The following BCL11A variants were observed in gnomAD, a reference collection of about 807,000 sequenced individuals.
The protein encoded by BCL11A is BCL11 transcription factor A.
A neutral mutation model predicts 55.9 loss-of-function variants in BCL11A; 2 were observed. The ratio of observed to expected loss-of-function variants is 0.04; its 90% CI spans 0.01 to 0.11. The LOEUF (loss-of-function observed/expected upper bound fraction) is 0.11, where lower values mean the gene tolerates loss of function less well. BCL11A is among the 10% of genes least tolerant of loss of function. The probability of loss-of-function intolerance (pLI) is 1.00; values close to 1 mark genes in which losing one functional copy is unlikely to be tolerated. For synonymous variants in BCL11A, 465 were observed against 473.4 expected, an observed-to-expected ratio of 0.98 and a Z score of 0.23; for missense variants, 817 against 1,137.1, an observed-to-expected ratio of 0.72 and a Z score of 4.05.
intron 2 of BCL11A, among the ~76,000 whole-genome samples, chr2:60,470,198 C>T (rs1303547394): frequency 6.6e-6 from 1 of 152,070 alleles, no homozygotes; most frequent in East Asian, 1.9e-4. Flanking sequence ...GTGGAAGCAC[C>T]ACCTAGCCTG....
chr2:60,517,196 A>G (rs168565), intron 2 of BCL11A, among the ~76,000 whole-genome samples: 98,967 of 152,008 alleles, frequency 0.65, 32,982 homozygotes, highest in South Asian at 0.78. Context: ...GGGCTGGCCA[A>G]TTCTGGAGGG....
chr2:60,473,648 C>T (rs1463231451), intron 2 of BCL11A, among the ~76,000 whole-genome samples: 1 of 152,176 alleles, frequency 6.6e-6, no homozygotes, highest in Non-Finnish European at 1.5e-5. Flanking sequence ...TCTATTCAGC[C>T]GCATCTAGCT....
chr2:60,533,676 C>T (rs1208192892), intron 2 of BCL11A: 1 of 152,016 alleles, frequency 6.6e-6, no homozygotes, highest in Non-Finnish European at 1.5e-5. Flanking sequence ...TGCAGTTGGC[C>T]GGAGACCAAA....
intron 2 of BCL11A, among the ~76,000 whole-genome samples, chr2:60,487,865 G>A (rs1306762283): frequency 6.6e-6 from 1 of 152,166 alleles, no homozygotes; most frequent in East Asian, 1.9e-4. Context: ...AATATATGAA[G>A]AGGAACATGG....
At chr2:60,527,617 T>G (rs1239478463) in intron 2 of BCL11A, 6 of 152,276 alleles carry the variant, frequency 3.9e-5, no homozygotes, top group African/African-American at 1.4e-4. Context: ...TTGTGATGGA[T>G]CTGAACAGCC....
rs1017399979 is a variant in BCL11A, at chr2:60,457,489, C to T, written c.*2915G>A. ...TAAAAGATAAAATTTCAAGTTACGA[C>T]AAACAGCTTTCATTACAGGAATAGA... On this transcript the variant is annotated 3_prime_UTR_variant, in exon 4 of 4. Transcript: ENST00000642384. 4 of 1,043,218 alleles carry T rather than the reference C, an allele frequency of 3.8e-6. No individual in the cohort carries two copies. The highest frequency in any genetic ancestry group is 4.6e-6 in the Non-Finnish European group (4 of 865,116). 64.6% of individuals were successfully genotyped at this position (1,043,218 alleles called of 1,614,324 possible). A position where few individuals can be genotyped will look rare whatever the true frequency, so the allele number is the denominator to read the frequency against.
Position 60,461,385 on chromosome 2 carries a change from C to T in BCL11A, c.1527G>A (p.Glu509=), listed in dbSNP as rs550221979. ...TCAGCCCGAAGCCGTAGTCCACCCT[C>T]TCGCTCTCCGTCAGCTCCTCCTCCT... The part of the protein sequence containing the change: ...EEEEEELTES[E]RVDYGFGLSL... Residue 509 remains glutamate (E), a synonymous_variant, in exon 4 of 4, where the codon GAG becomes GAA. Coordinates refer to ENST00000642384, the MANE Select transcript of BCL11A (RefSeq NM_022893.4). 3.7e-6 allele frequency: 6 copies of T among 1,606,042 alleles called. No individual in the cohort carries two copies. The African/African-American group carries it at 6.7e-5, about 18-fold the overall frequency.
chr2:60,539,562 TAA>T (rs2104700430), intron 2 of BCL11A, among the ~76,000 whole-genome samples: 1 of 152,344 alleles, frequency 6.6e-6, no homozygotes, highest in African/African-American at 2.4e-5. Flanking sequence ...CAATATGGAA[TAA>T]GTTACATTTT....
chr2:60,539,277 C>T (rs1331142493), intron 2 of BCL11A, among the ~76,000 whole-genome samples: 1 of 152,208 alleles, frequency 6.6e-6, no homozygotes, highest in Non-Finnish European at 1.5e-5. Flanking sequence ...CCTGAGAGCT[C>T]CTCCAAGGTG....
intron 2 of BCL11A, among the ~76,000 whole-genome samples, chr2:60,498,031 G>A (rs1222987953): frequency 6.6e-6 from 1 of 151,952 alleles, no homozygotes; most frequent in Non-Finnish European, 1.5e-5. Context: ...GGAGATGAGG[G>A]ACCCACCTGG....
At position 60,508,994 on chromosome 2, in the gene BCL11A, C is replaced by T. The variant is rs190751920; in HGVS notation, c.385+36977G>A. On this transcript the variant is annotated intron_variant, in intron 2 of 3. Transcript: ENST00000642384. ...AAGGAGCTCTCCTATGACAAGGAAC[C>T]TGTCACTGGTTCTTCTGTGATTGCT... Among the ~76,000 whole-genome samples, 91 of 152,358 alleles carry T rather than the reference C, an allele frequency of 6.0e-4. 3 individuals carry two copies. The East Asian group carries it at 7.3e-3, about 12-fold the overall frequency.
chr2:60,484,060 T>C (rs1678123665), intron 2 of BCL11A: 1 of 152,234 alleles, frequency 6.6e-6, no homozygotes. Flanking sequence ...CTCTGTTAAT[T>C]AGAAAGCCCT....
downstream of BCL11A, among the ~76,000 whole-genome samples, chr2:60,455,997 A>G (rs1348228846): frequency 6.6e-6 from 1 of 152,120 alleles, no homozygotes; most frequent in Non-Finnish European, 1.5e-5. Context: ...CCTATGTAAT[A>G]TTCTCCAACA....
intron 2 of BCL11A, among the ~76,000 whole-genome samples, chr2:60,483,637 C>T (rs11692350): frequency 0.98 from 149,443 of 152,322 alleles, 73,345 homozygotes; most frequent in East Asian, 1. Context: ...GATGCTCGTC[C>T]CCAGGAAACA....
rs374201685 is a variant in BCL11A at position 60,461,646 on chromosome 2, G to T, written c.1266C>A (p.Arg422=). ...HACTQASKLK[R]HMKTHMHKSS... ...ATTTGTGCATGTGCGTCTTCATGTG[G>T]CGCTTCAGCTTGCTGGCCTGGGTGC... Residue 422 remains arginine (R), a synonymous_variant, in exon 4 of 4, where the codon CGC becomes CGA. Transcript: ENST00000642384. The T allele has an allele frequency of 3.7e-6, 6 of 1,613,810 alleles. No homozygotes were observed. The African/African-American group carries it at 8.0e-5, about 22-fold the overall frequency.
In BCL11A at chr2:60,506,434, C is replaced by T. The variant is rs186905717; in HGVS notation, c.386-37601G>A. Among the ~76,000 whole-genome samples the T allele has an allele frequency of 4.7e-4, 72 of 152,336 alleles. 1 individual carries two copies. Among genetic ancestry groups the T allele is most frequent in the African/African-American group, 1.6e-3 (66 of 41,576 alleles). Reference sequence around the variant, plus strand: ...GATCCAGGACAGAGCTGGCTCAGGACGCCACATGGGTCAACCCGAGCGCAC... The same window carrying T: ...GATCCAGGACAGAGCTGGCTCAGGATGCCACATGGGTCAACCCGAGCGCAC... On this transcript the variant is annotated intron_variant, in intron 2 of 3. Coordinates refer to ENST00000642384, the MANE Select transcript of BCL11A (RefSeq NM_022893.4).
intron 2 of BCL11A, among the ~76,000 whole-genome samples, chr2:60,480,488 C>T (rs1375396382): frequency 6.6e-6 from 1 of 152,110 alleles, no homozygotes; most frequent in Non-Finnish European, 1.5e-5. Flanking sequence ...AGGACCAGGC[C>T]ATGGAGCCAG....
At chr2:60,471,062 A>G (rs894230446) in intron 2 of BCL11A, among the ~76,000 whole-genome samples, 1 of 152,064 alleles carries the variant, frequency 6.6e-6, no homozygotes, top group African/African-American at 2.4e-5. Flanking sequence ...TCCTGTTTCT[A>G]CTGATCCATT....
chr2:60,500,073 G>C (rs754426978), intron 2 of BCL11A: 4 of 152,918 alleles, frequency 2.6e-5, no homozygotes, highest in Non-Finnish European at 4.4e-5. Context: ...TCCTCCTTTC[G>C]GTCCTCTGCC....
Sources: allele counts gnomAD v4.1 joint callset (sites outside exome capture counted in the v4.1 genomes callset), GRCh38; gene constraint gnomAD v4.1.1; transcripts MANE v1.5; gene names NCBI Gene and HGNC (gene_info 2026-07-23, HGNC 2026-07-21).